SYNCRIP: variants seen among roughly 807,000 people sequenced by gnomAD.
SYNCRIP encodes the protein heterogeneous nuclear ribonucleoprotein Q.
A neutral mutation model predicts 68.9 loss-of-function variants in SYNCRIP; 9 were observed. That is an observed-to-expected ratio of 0.13 (90% CI 0.08 to 0.23). The LOEUF (loss-of-function observed/expected upper bound fraction) is 0.23, where lower values mean the gene tolerates loss of function less well. Among genes scored for constraint, SYNCRIP ranks in the 10% least tolerant of loss-of-function variants. SYNCRIP has a pLI of 1.00. For missense variants in SYNCRIP, 414 were observed against 770.6 expected, an observed-to-expected ratio of 0.54 and a Z score of 5.48; for synonymous variants, 258 against 254.0, an observed-to-expected ratio of 1.02 and a Z score of -0.15.
In SYNCRIP at chr6:85,637,420, T is replaced by G; in HGVS notation, c.376-64A>C. On this transcript the variant is annotated intron_variant, in intron 4 of 10. Transcript: ENST00000369622. The stretch of plus-strand genomic sequence containing the variant: ...TAGACCACACCCATATATTTAGCAG[T>G]TAACATCCATCTTGCTCAAATCTTT... 3 of 1,035,452 alleles carry G rather than the reference T, an allele frequency of 2.9e-6. No individual in the cohort carries two copies. The South Asian group carries it at 4.3e-5, about 15-fold the overall frequency. The allele number at this position is 1,035,452 out of a possible 1,614,324, so 64.1% of individuals were successfully genotyped here. A position where few individuals can be genotyped will look rare whatever the true frequency, so the allele number is the denominator to read the frequency against.
chr6:85,637,458 G>T, intron 4 of SYNCRIP, 102 bp from the exon 5 acceptor site: 2 of 735,798 alleles, frequency 2.7e-6, no homozygotes, highest in East Asian at 2.6e-5. Flanking sequence ...AATTATCTTG[G>T]CATGTTCCCT....
intron 8 of SYNCRIP, among the ~76,000 whole-genome samples, chr6:85,621,041 G>A (rs959888618): frequency 2.6e-5 from 4 of 152,152 alleles, no homozygotes; most frequent in African/African-American, 9.7e-5. Flanking sequence ...AATCCTGAAA[G>A]CTTCTCAAAG....
At chr6:85,637,633 A>G (rs1328335167) in intron 4 of SYNCRIP, among the ~76,000 whole-genome samples, 1 of 152,238 alleles carries the variant, frequency 6.6e-6, no homozygotes, top group Non-Finnish European at 1.5e-5. Context: ...GTTAAGACCA[A>G]TCCATCAGCA....
chr6:85,621,962 G>A (rs1806462406), intron 8 of SYNCRIP, among the ~76,000 whole-genome samples: 1 of 152,184 alleles, frequency 6.6e-6, no homozygotes, highest in African/African-American at 2.4e-5. Flanking sequence ...TTATGGCTAA[G>A]TATCCACGCA....
At chr6:85,613,127 C>T (rs1397126922), downstream of SYNCRIP, among the ~76,000 whole-genome samples, 1 of 151,266 alleles carries the variant, frequency 6.6e-6, no homozygotes, top group Non-Finnish European at 1.5e-5. Context: ...TTTTTTGCCC[C>T]TTTGAGTGAG....
chr6:85,624,787 A>G (rs1180438757), intron 6 of SYNCRIP, among the ~76,000 whole-genome samples: 2 of 152,242 alleles, frequency 1.3e-5, no homozygotes, highest in East Asian at 1.9e-4. Flanking sequence ...AAAGTGACAA[A>G]TCCACCAATT....
Position 85,614,956 on chromosome 6 carries a change from C to T in SYNCRIP, c.1672G>A (p.Gly558Ser), listed in dbSNP as rs148680614. 1.5e-5 allele frequency: 25 copies of T among 1,613,872 alleles called. No individual in the cohort carries two copies. The highest frequency in any genetic ancestry group is 1.7e-4 in the Middle Eastern group (1 of 6,060). The change falls in exon 11 of 11, where the codon GGT becomes AGT. Residue 558 changes from glycine (G) to serine (S), a missense_variant. This residue lies in a region of SYNCRIP where 130 missense variants were observed against 149.0 expected (regional missense o/e 0.87). Transcript: ENST00000369622. ...TTGCGCTTTCCTCCTACATTTCCAC[C>T]GCGGCCACCCCTCGCACCACGTACC... Reference protein sequence around the residue: ...RGVRGARGGRGGNVGGKRKAD... With the variant: ...RGVRGARGGRSGNVGGKRKAD...
chr6:85,614,573 A>G lies in SYNCRIP; in HGVS notation c.*183T>C, dbSNP rs949050805. The G allele has an allele frequency of 7.7e-6, 10 of 1,290,664 alleles. No individual in the cohort carries two copies. The highest frequency in any genetic ancestry group is 8.8e-6 in the Non-Finnish European group (9 of 1,022,020). The allele number at this position is 1,290,664 out of a possible 1,614,324, so 80.0% of individuals were successfully genotyped here. A position where few individuals can be genotyped will look rare whatever the true frequency, so the allele number is the denominator to read the frequency against. The stretch of plus-strand genomic sequence containing the variant: ...ATATCTTTATTGAAAAAAATTAAAA[A>G]TAAAATCAGTTCGCCAGAAGCAGTT... On this transcript the variant is annotated 3_prime_UTR_variant, in exon 11 of 11. Coordinates refer to ENST00000369622, the MANE Select transcript of SYNCRIP (RefSeq NM_006372.5).
rs753026959 is a variant in SYNCRIP, at chr6:85,615,365, G to A, written c.1281-18C>T. ...CGTCATACCTATTAAAAAAGAGACA[G>A]AGATTAGAGTTTAAATCAAATTACT... On this transcript the variant is annotated intron_variant, in intron 10 of 10. Coordinates refer to ENST00000369622, the MANE Select transcript of SYNCRIP (RefSeq NM_006372.5). 1.4e-5 allele frequency: 20 copies of A among 1,435,270 alleles called. No individual in the cohort carries two copies. In the African/African-American group the frequency reaches 2.4e-4, roughly 17 times the overall value. The allele number at this position is 1,435,270 out of a possible 1,614,324, so 88.9% of individuals were successfully genotyped here.
intron 10 of SYNCRIP, among the ~76,000 whole-genome samples, chr6:85,618,241 A>T (rs1337832754): frequency 1.3e-5 from 2 of 152,114 alleles, no homozygotes; most frequent in East Asian, 3.9e-4. Flanking sequence ...GTAAAATACA[A>T]AGAAAATATG....
chr6:85,619,472 A>T, intron 8 of SYNCRIP, 55 bp from the exon 9 acceptor site: 2 of 1,484,636 alleles, frequency 1.3e-6, no homozygotes, highest in Non-Finnish European at 1.8e-6. Context: ...CATTTCTAAG[A>T]TACCACCACC....
At chr6:85,610,116 G>A (rs575559244), downstream of SYNCRIP, 1 of 151,698 alleles carries the variant, frequency 6.6e-6, no homozygotes, top group African/African-American at 2.4e-5. Flanking sequence ...GTTTTTCCTT[G>A]ATCTGATAAG....
chr6:85,619,453 A>G (rs1806143975), intron 8 of SYNCRIP, 36 bp from the exon 9 acceptor site: 3 of 1,585,066 alleles, frequency 1.9e-6, no homozygotes, highest in Non-Finnish European at 2.6e-6. Context: ...TATTATTTCC[A>G]AAGAGTTCCA....
At chr6:85,641,486 T>A in intron 1 of SYNCRIP, 35 bp from the exon 2 acceptor site, 2 of 1,585,350 alleles carry the variant, frequency 1.3e-6, no homozygotes, top group South Asian at 2.3e-5. Flanking sequence ...TAAACTAGGA[T>A]CTTCAAAAAG....
intron 6 of SYNCRIP, among the ~76,000 whole-genome samples, chr6:85,630,278 G>A (rs995571726): frequency 4.6e-5 from 7 of 151,900 alleles, no homozygotes; most frequent in East Asian, 1.9e-4. Context: ...GGAGAATGGC[G>A]TGAACCCAGG....
intron 6 of SYNCRIP, among the ~76,000 whole-genome samples, chr6:85,635,465 C>A (rs976273377): frequency 5.3e-5 from 8 of 152,224 alleles, no homozygotes; most frequent in Non-Finnish European, 1.0e-4. Flanking sequence ...GGAATATTCA[C>A]ACAACATAGA....
At chr6:85,624,161 G>T (rs141174716) in intron 6 of SYNCRIP, 49 bp from the exon 7 acceptor site, 290 of 1,545,846 alleles carry the variant, frequency 1.9e-4, no homozygotes, top group Non-Finnish European at 2.2e-4. Context: ...TATACAACTA[G>T]AACAGTTAAT....
chr6:85,642,672 G>C (rs927963931), intron 1 of SYNCRIP, 125 bp downstream of exon 1: 1 of 153,042 alleles, frequency 6.5e-6, no homozygotes, highest in African/African-American at 2.4e-5. Flanking sequence ...CCCAGTCAAC[G>C]TGCTCTTCTC....
chr6:85,608,836 G>C (rs1021515647), exon 12 of SYNCRIP: 4 of 151,940 alleles, frequency 2.6e-5, no homozygotes, highest in African/African-American at 9.7e-5. Flanking sequence ...GTGTATTACT[G>C]AAGGCAGACT....
Sources: gnomAD v4.1 joint callset for allele counts (sites outside exome capture counted in the v4.1 genomes callset) on GRCh38, gnomAD v4.1.1 for gene constraint, gnomAD v4.1.1 regional missense constraint, MANE v1.5 for transcripts, NCBI Gene and HGNC (gene_info 2026-07-23, HGNC 2026-07-21) for gene names.